Variants in FRY observed in about 807,000 individuals in gnomAD.
FRY encodes protein furry homolog.
A neutral mutation model predicts 348.4 loss-of-function variants in FRY; 128 were observed. The observed-to-expected ratio is 0.37, with a 90% CI of 0.32 to 0.43. The LOEUF is 0.43. Ranked by LOEUF, FRY falls within the 20% of genes least tolerant of loss-of-function variation. The probability of loss-of-function intolerance (pLI) is 1.00; values close to 1 mark genes in which losing one functional copy is unlikely to be tolerated. For missense variants in FRY, 2,736 were observed against 3,695.2 expected (o/e 0.74, Z 6.73); for synonymous variants, 1,370 against 1,374.7 (o/e 1.00, Z 0.08).
At chr13:32,288,231 C>G (rs1312444332) in intron 58 of FRY, among the ~76,000 whole-genome samples, 1 of 152,202 alleles carries the variant, frequency 6.6e-6, no homozygotes, top group Non-Finnish European at 1.5e-5. Context: ...ATTTGCAAGT[C>G]TCTGGCAGTT....
chr13:32,136,777 G>A (rs146144420), intron 10 of FRY, 94 bp from the exon 11 acceptor site: 45 of 830,656 alleles, frequency 5.4e-5, no homozygotes, highest in East Asian at 2.4e-4. Flanking sequence ...CAGGGCCCCC[G>A]AGGGAGATGG....
intron 1 of FRY, among the ~76,000 whole-genome samples, chr13:32,074,174 C>T (rs9315155): frequency 0.064 from 9,805 of 152,020 alleles, 700 homozygotes; most frequent in East Asian, 0.4. Flanking sequence ...AGGAATGGGC[C>T]CTGCTTAATA....
intron 1 of FRY, among the ~76,000 whole-genome samples, chr13:32,053,883 C>G (rs1873477477): frequency 6.6e-6 from 1 of 152,224 alleles, no homozygotes; most frequent in Non-Finnish European, 1.5e-5. Flanking sequence ...TCTCTATGCT[C>G]CTTCACTGCA....
intron 59 of FRY, among the ~76,000 whole-genome samples, chr13:32,291,387 ACTTTTT>A (rs1162341947): frequency 1.3e-5 from 2 of 149,642 alleles, no homozygotes; most frequent in African/African-American, 4.9e-5. Flanking sequence ...GATAAACTTT[ACTTTTT>A]CTTTTTCTTT....
chr13:32,054,531 G>T (rs370720951), intron 1 of FRY, among the ~76,000 whole-genome samples: 1 of 152,216 alleles, frequency 6.6e-6, no homozygotes. Context: ...ACCTATTTGG[G>T]GCAGAGAAAT....
At position 32,249,517 on chromosome 13, in the gene FRY, C is replaced by A. The variant is rs201340038; in HGVS notation, c.7009-9C>A. 83 of 1,613,992 alleles carry A rather than the reference C, an allele frequency of 5.1e-5. No homozygotes were observed. In the East Asian group the frequency reaches 6.0e-4, roughly 12 times the overall value. The stretch of plus-strand genomic sequence containing the variant: ...AGACAGAATAATGTGCGTTTGTCTT[C>A]TTCTCAAGACTCCAATCATCGGGAG... On this transcript the variant is annotated splice_polypyrimidine_tract_variant and intron_variant, in intron 48 of 60. Coordinates refer to ENST00000542859, the MANE Select transcript of FRY (RefSeq NM_023037.3).
chr13:32,206,399 A>G (rs531369816), intron 31 of FRY, among the ~76,000 whole-genome samples: 2 of 152,342 alleles, frequency 1.3e-5, no homozygotes, highest in South Asian at 4.1e-4. Flanking sequence ...AGAAGACCTG[A>G]ACATGACTCT....
intron 1 of FRY, among the ~76,000 whole-genome samples, chr13:32,071,736 A>G (rs1223090041): frequency 6.6e-6 from 1 of 152,120 alleles, no homozygotes; most frequent in African/African-American, 2.4e-5. Flanking sequence ...GGACAGGGAA[A>G]TTGGGAGTTG....
intron 20 of FRY, among the ~76,000 whole-genome samples, chr13:32,176,520 A>T (rs1882369020): frequency 6.6e-6 from 1 of 152,192 alleles, no homozygotes; most frequent in African/African-American, 2.4e-5. Context: ...CTTGCTTATG[A>T]TCATAATAAT....
intron 8 of FRY, among the ~76,000 whole-genome samples, chr13:32,134,534 C>A (rs1593652463): frequency 6.6e-6 from 1 of 152,184 alleles, no homozygotes; most frequent in Non-Finnish European, 1.5e-5. Flanking sequence ...TGTGGGCTAA[C>A]TAGGAGCCCA....
intron 29 of FRY, among the ~76,000 whole-genome samples, chr13:32,201,078 ATCT>A (rs1302923661): frequency 6.6e-6 from 1 of 152,192 alleles, no homozygotes; most frequent in Non-Finnish European, 1.5e-5. Flanking sequence ...TAGGCTGGTC[ATCT>A]TCTGAACCCA....
intron 40 of FRY, among the ~76,000 whole-genome samples, chr13:32,230,867 G>A (rs1227022763): frequency 6.6e-6 from 1 of 152,138 alleles, no homozygotes; most frequent in Admixed American, 6.6e-5. Context: ...GGTGTGAGAT[G>A]GTATCTCACT....
chr13:32,186,230 T>C (rs759878148), intron 26 of FRY, 30 bp from the exon 27 acceptor site: 2 of 1,570,270 alleles, frequency 1.3e-6, no homozygotes, highest in Non-Finnish European at 1.8e-6. Flanking sequence ...TGTCCAGTCT[T>C]ATAACCTCTA....
chr13:32,281,803 G>A (rs948254341), intron 58 of FRY, among the ~76,000 whole-genome samples: 3 of 152,206 alleles, frequency 2.0e-5, no homozygotes, highest in Non-Finnish European at 4.4e-5. Flanking sequence ...AGGCAAGGCG[G>A]GGAGATTTGT....
intron 15 of FRY, 102 bp downstream of exon 15, chr13:32,155,764 A>C: frequency 2.7e-6 from 2 of 738,820 alleles, no homozygotes; most frequent in Non-Finnish European, 2.2e-6. Flanking sequence ...ATCTTTATAG[A>C]AGTAGATGAT....
intron 51 of FRY, among the ~76,000 whole-genome samples, chr13:32,260,067 A>T (rs1481796293): frequency 1.3e-5 from 2 of 152,224 alleles, no homozygotes; most frequent in Non-Finnish European, 2.9e-5. Context: ...TAGCCCAAGC[A>T]GACTTTGAAA....
chr13:32,249,203 A>G (rs1165809853), intron 48 of FRY, among the ~76,000 whole-genome samples: 2 of 152,222 alleles, frequency 1.3e-5, no homozygotes, highest in African/African-American at 4.8e-5. Context: ...TAACTATATG[A>G]AATTTTTTTC....
intron 50 of FRY, among the ~76,000 whole-genome samples, chr13:32,252,916 G>A (rs1405506915): frequency 3.3e-5 from 5 of 152,112 alleles, no homozygotes; most frequent in African/African-American, 1.2e-4. Context: ...TAGGACAGAG[G>A]GGACAGTGGC....
Position 32,224,270 on chromosome 13 carries a change from A to T in FRY, c.4801A>T (p.Thr1601Ser), listed in dbSNP as rs1449257691. The T allele has an allele frequency of 1.2e-6, 2 of 1,614,004 alleles. No individual in the cohort carries two copies. Among genetic ancestry groups the T allele is most frequent in the Non-Finnish European group, 1.7e-6 (2 of 1,179,926 alleles). Residue 1601 changes from threonine (T) to serine (S), a missense_variant, in exon 37 of 61, where the codon ACT (threonine) becomes TCT (serine). Transcript: ENST00000542859. ...TTCTCCCTACACGGGCTGGTTGCTG[A>T]CTATTACAGAGACCAAGCAGCCGCA... ...PISPYTGWLL[T>S]ITETKQPQPL...
Sources: gnomAD v4.1 joint callset for allele counts (sites outside exome capture counted in the v4.1 genomes callset) on GRCh38, gnomAD v4.1.1 for gene constraint, MANE v1.5 for transcripts, NCBI Gene and HGNC (gene_info 2026-07-23, HGNC 2026-07-21) for gene names.